The following RAPGEF5 variants were observed in gnomAD, a reference collection of about 807,000 sequenced individuals.
RAPGEF5 encodes M-Ras-regulated GEF.
RAPGEF5 carries 65 observed loss-of-function variants against 125.2 expected under a neutral mutation model. The observed-to-expected ratio is 0.52, with a 90% CI of 0.43 to 0.64. The LOEUF is 0.64. Among genes scored for constraint, RAPGEF5 ranks in the 30% least tolerant of loss-of-function variants. RAPGEF5 has a pLI of 0.00. For missense variants in RAPGEF5, 958 were observed against 1,048.1 expected, an observed-to-expected ratio of 0.91 and a Z score of 1.19; for synonymous variants, 391 against 385.9, an observed-to-expected ratio of 1.01 and a Z score of -0.16.
At chr7:22,225,265 T>C (rs995870342) in intron 8 of RAPGEF5, among the ~76,000 whole-genome samples, 8 of 152,212 alleles carry the variant, frequency 5.3e-5, no homozygotes, top group Non-Finnish European at 8.8e-5. Context: ...AAATATGTAT[T>C]TTAAAGGCAA....
At chr7:22,178,213 AAAAACTAAAAAAAT>A (rs1784568718) in intron 11 of RAPGEF5, among the ~76,000 whole-genome samples, 1 of 152,226 alleles carries the variant, frequency 6.6e-6, no homozygotes, top group Non-Finnish European at 1.5e-5. Context: ...ATGTAAAGGT[AAAAACTAAAAAAAT>A]TGTTTACAAA....
intron 5 of RAPGEF5, among the ~76,000 whole-genome samples, chr7:22,307,975 G>A (rs1345954070): frequency 6.6e-6 from 1 of 152,094 alleles, no homozygotes; most frequent in Non-Finnish European, 1.5e-5. Flanking sequence ...ACATTCTGTT[G>A]AGCTCTTAGG....
At chr7:22,136,806 T>C (rs1783091915) in intron 22 of RAPGEF5, 127 bp downstream of exon 22, 3 of 773,254 alleles carry the variant, frequency 3.9e-6, no homozygotes, top group East Asian at 5.6e-5. Context: ...TACAGTTTCA[T>C]ATACAAGTAA....
chr7:22,286,137 C>A (rs1354496847), intron 6 of RAPGEF5, among the ~76,000 whole-genome samples: 1 of 152,200 alleles, frequency 6.6e-6, no homozygotes, highest in Non-Finnish European at 1.5e-5. Context: ...ACGCGTCTGA[C>A]TACGGATCAG....
intron 13 of RAPGEF5, among the ~76,000 whole-genome samples, chr7:22,161,099 C>T (rs112558219): frequency 1.5e-4 from 23 of 151,768 alleles, no homozygotes; most frequent in African/African-American, 5.6e-4. Flanking sequence ...TCCCCAGCTA[C>T]TCGGGAGGCT....
At chr7:22,244,403 C>T (rs886171741) in intron 7 of RAPGEF5, among the ~76,000 whole-genome samples, 6 of 152,020 alleles carry the variant, frequency 3.9e-5, no homozygotes, top group Non-Finnish European at 7.4e-5. Context: ...TGAACATTAC[C>T]GCCTGAGCTC....
chr7:22,123,018 A>G lies in RAPGEF5; in HGVS notation c.2537-497T>C, dbSNP rs545669175. Among the ~76,000 whole-genome samples, 6 of 152,320 alleles carry G rather than the reference A, an allele frequency of 3.9e-5. 1 individual carries two copies. Among genetic ancestry groups the G allele is most frequent in the African/African-American group, 1.4e-4 (6 of 41,564 alleles). On this transcript the variant is annotated intron_variant, in intron 25 of 25. Transcript: ENST00000665637. ...TCTTTTTCTGTTGTTTAGATTTTGTACAATTCTTTGGTATTCTCATTTTTT... is the reference window on the plus strand; with the variant it reads ...TCTTTTTCTGTTGTTTAGATTTTGTGCAATTCTTTGGTATTCTCATTTTTT...
At chr7:22,348,913 C>T (rs1331546023) in intron 1 of RAPGEF5, among the ~76,000 whole-genome samples, 1 of 151,464 alleles carries the variant, frequency 6.6e-6, no homozygotes, top group African/African-American at 2.4e-5. Flanking sequence ...GTGGCAAAAC[C>T]CCATCTCTAC....
At chr7:22,157,018 T>G in intron 15 of RAPGEF5, 130 bp from the exon 16 acceptor site, 4 of 1,421,742 alleles carry the variant, frequency 2.8e-6, no homozygotes, top group Non-Finnish European at 3.7e-6. Context: ...CATCCAATCT[T>G]AGAGAAATAA....
intron 2 of RAPGEF5, among the ~76,000 whole-genome samples, chr7:22,316,670 G>GA (rs1554276466): frequency 6.8e-6 from 1 of 146,946 alleles, no homozygotes; most frequent in Non-Finnish European, 1.5e-5. Flanking sequence ...TTTGTTTTTT[G>GA]TTTTTTTTTG....
At chr7:22,176,973 A>G (rs1041062222) in intron 11 of RAPGEF5, among the ~76,000 whole-genome samples, 4 of 152,210 alleles carry the variant, frequency 2.6e-5, no homozygotes, top group Non-Finnish European at 4.4e-5. Context: ...GACAGGAGAC[A>G]TGCCTCTGTG....
chr7:22,150,513 G>GAAAAA lies in RAPGEF5; in HGVS notation c.1787-14_1787-10dup, dbSNP rs10668286. On this transcript the variant is annotated splice_polypyrimidine_tract_variant and intron_variant, in intron 17 of 25. Transcript: ENST00000665637. ...CTGAAGTTCATGCTTTTCTTTATTT[G>GAAAAA]AAAAAAAAAAAAAAAAAAGGAATAA... is the stretch of plus-strand genomic sequence containing the variant. 5.5e-4 allele frequency: 738 copies of GAAAAA among 1,352,994 alleles called. No individual in the cohort carries two copies. The highest frequency in any genetic ancestry group is 2.3e-3 in the East Asian group (81 of 35,178). 83.8% of individuals were successfully genotyped at this position (1,352,994 alleles called of 1,614,324 possible). A position where few individuals can be genotyped will look rare whatever the true frequency, so the allele number is the denominator to read the frequency against.
intron 5 of RAPGEF5, among the ~76,000 whole-genome samples, chr7:22,293,576 A>G (rs1045773087): frequency 6.6e-6 from 1 of 152,126 alleles, no homozygotes; most frequent in Admixed American, 6.5e-5. Context: ...CACCTTTCTA[A>G]AACCCAGATC....
chr7:22,242,039 T>C (rs1786344704), intron 7 of RAPGEF5, among the ~76,000 whole-genome samples: 2 of 152,230 alleles, frequency 1.3e-5, no homozygotes, highest in South Asian at 4.2e-4. Context: ...GTCCCCATAT[T>C]GCATCAAGTA....
chr7:22,169,916 A>G (rs1784297721), intron 11 of RAPGEF5, among the ~76,000 whole-genome samples: 1 of 139,766 alleles, frequency 7.2e-6, no homozygotes, highest in South Asian at 2.5e-4. Context: ...AGGCTGAGGT[A>G]GGAGGATGGC....
intron 19 of RAPGEF5, 70 bp downstream of exon 19, chr7:22,146,827 A>G: frequency 6.6e-7 from 1 of 1,524,278 alleles, no homozygotes; most frequent in Non-Finnish European, 8.9e-7. Flanking sequence ...CACCGCACGC[A>G]TTGATATTCT....
chr7:22,269,096 C>T (rs1177787504), intron 6 of RAPGEF5, among the ~76,000 whole-genome samples: 1 of 150,706 alleles, frequency 6.6e-6, no homozygotes, highest in East Asian at 2.0e-4. Flanking sequence ...TGAACCTCTG[C>T]CATGGGAGGA....
intron 24 of RAPGEF5, among the ~76,000 whole-genome samples, chr7:22,130,765 T>C (rs1469907804): frequency 6.6e-6 from 1 of 152,226 alleles, no homozygotes; most frequent in Admixed American, 6.5e-5. Context: ...CAGTTCTTCA[T>C]CTTATCATAT....
chr7:22,298,608 A>T, intron 5 of RAPGEF5: 1 of 152,252 alleles, frequency 6.6e-6, no homozygotes, highest in East Asian at 1.9e-4. Flanking sequence ...ATGGTCATAC[A>T]ACCCTGAAGG....
Sources: allele counts gnomAD v4.1 joint callset (sites outside exome capture counted in the v4.1 genomes callset), GRCh38; gene constraint gnomAD v4.1.1; transcripts MANE v1.5; gene names NCBI Gene and HGNC (gene_info 2026-07-23, HGNC 2026-07-21).